Variants in FHIT observed in about 807,000 individuals in gnomAD.
FHIT encodes bis(5'-adenosyl)-triphosphatase.
FHIT carries 19 observed loss-of-function variants against 17.9 expected under a neutral mutation model. That is an observed-to-expected ratio of 1.06 (90% CI 0.74 to 1.56). FHIT has a LOEUF of 1.56. Ranked by LOEUF, FHIT falls within the 40% of genes most tolerant of loss-of-function variation. FHIT has a pLI of 0.00. For synonymous variants in FHIT, 81 were observed against 69.7 expected (o/e 1.16, Z -0.81); for missense variants, 248 against 189.2 (o/e 1.31, Z -1.82).
intron 4 of FHIT, among the ~76,000 whole-genome samples, chr3:60,627,992 TTTC>T (rs1396247472): frequency 6.6e-6 from 1 of 152,194 alleles, no homozygotes; most frequent in East Asian, 1.9e-4. Flanking sequence ...CCTTTATTAT[TTTC>T]TTCTGCTTTG....
intron 5 of FHIT, among the ~76,000 whole-genome samples, chr3:60,407,810 C>A (rs778576576): frequency 2.0e-5 from 3 of 152,170 alleles, no homozygotes; most frequent in South Asian, 2.1e-4. Context: ...AGCCACTGCA[C>A]CTGACCCAAA....
At chr3:60,327,068 C>CTTCCTGCTGT (rs1212489254) in intron 5 of FHIT, among the ~76,000 whole-genome samples, 4 of 152,202 alleles carry the variant, frequency 2.6e-5, no homozygotes, top group South Asian at 2.1e-4. Context: ...GCTTCCTGCA[C>CTTCCTGCTGT]CAGTGACAGC....
intron 5 of FHIT, among the ~76,000 whole-genome samples, chr3:60,182,730 C>T (rs926554570): frequency 6.6e-6 from 1 of 152,030 alleles, no homozygotes; most frequent in Non-Finnish European, 1.5e-5. Flanking sequence ...CTGCAGTGAG[C>T]TATGATGGCA....
At chr3:60,272,593 A>G (rs1437692597) in intron 5 of FHIT, among the ~76,000 whole-genome samples, 1 of 152,190 alleles carries the variant, frequency 6.6e-6, no homozygotes, top group African/African-American at 2.4e-5. Context: ...GACTCCCAAA[A>G]CTAATCAAAG....
chr3:59,816,057 C>A (rs1357167266), intron 8 of FHIT, among the ~76,000 whole-genome samples: 1 of 152,154 alleles, frequency 6.6e-6, no homozygotes, highest in Non-Finnish European at 1.5e-5. Flanking sequence ...TCTTACCTGA[C>A]AAAAACTACA....
intron 3 of FHIT, among the ~76,000 whole-genome samples, chr3:60,903,828 G>A (rs1288059814): frequency 6.6e-6 from 1 of 152,206 alleles, no homozygotes; most frequent in Admixed American, 6.5e-5. Flanking sequence ...GACTGCCAAT[G>A]AGGAAGTCAG....
At chr3:60,235,234 G>GTTTTTTTT (rs11441829) in intron 5 of FHIT, among the ~76,000 whole-genome samples, 1 of 143,086 alleles carries the variant, frequency 7.0e-6, no homozygotes. Context: ...TTTGTTTGTT[G>GTTTTTTTT]TTTTTTTTTT....
chr3:59,975,022 G>A (rs561576536), intron 7 of FHIT, among the ~76,000 whole-genome samples: 55 of 152,004 alleles, frequency 3.6e-4, no homozygotes, highest in Non-Finnish European at 6.8e-4. Flanking sequence ...CACTTAACAT[G>A]TGCATATTTT....
chr3:60,159,358 G>A (rs888873196), intron 5 of FHIT, among the ~76,000 whole-genome samples: 1 of 152,046 alleles, frequency 6.6e-6, no homozygotes, highest in African/African-American at 2.4e-5. Flanking sequence ...TAGGCTCAAA[G>A]GATCCACCCA....
chr3:60,495,553 C>G (rs1288702437), intron 5 of FHIT, among the ~76,000 whole-genome samples: 1 of 151,938 alleles, frequency 6.6e-6, no homozygotes, highest in East Asian at 1.9e-4. Context: ...GACATTGGAA[C>G]TTGATTCTAC....
At chr3:60,245,655 T>C (rs1008355538) in intron 5 of FHIT, among the ~76,000 whole-genome samples, 1 of 152,078 alleles carries the variant, frequency 6.6e-6, no homozygotes, top group Non-Finnish European at 1.5e-5. Context: ...TCAAGCAATA[T>C]ATATGATATT....
intron 5 of FHIT, among the ~76,000 whole-genome samples, chr3:60,205,337 A>G (rs1395384421): frequency 6.6e-6 from 1 of 152,222 alleles, no homozygotes; most frequent in Non-Finnish European, 1.5e-5. Context: ...ATATGTATAT[A>G]TAAATACACG....
intron 5 of FHIT, among the ~76,000 whole-genome samples, chr3:60,060,410 A>C (rs889128418): frequency 6.6e-6 from 1 of 152,216 alleles, no homozygotes; most frequent in African/African-American, 2.4e-5. Context: ...TTAAATATGC[A>C]TCACATAACA....
chr3:60,172,555 C>T (rs1037420872), intron 5 of FHIT, among the ~76,000 whole-genome samples: 6 of 151,786 alleles, frequency 4.0e-5, no homozygotes, highest in African/African-American at 9.7e-5. Context: ...GGATTAAAGG[C>T]GTGAGCCACT....
At chr3:60,854,302 C>T (rs1330530376) in intron 3 of FHIT, among the ~76,000 whole-genome samples, 2 of 152,092 alleles carry the variant, frequency 1.3e-5, no homozygotes, top group African/African-American at 2.4e-5. Flanking sequence ...CTTAGTAATA[C>T]TTAAATGCAT....
intron 5 of FHIT, among the ~76,000 whole-genome samples, chr3:60,148,169 G>A (rs1251758228): frequency 6.6e-6 from 1 of 152,026 alleles, no homozygotes; most frequent in East Asian, 1.9e-4. Context: ...CAATTCCAGA[G>A]GCGAAAAGGA....
chr3:59,959,184 G>C (rs1002628902), intron 7 of FHIT, among the ~76,000 whole-genome samples: 24 of 152,150 alleles, frequency 1.6e-4, no homozygotes, highest in Non-Finnish European at 2.8e-4. Flanking sequence ...TGTGTGTATA[G>C]GGAGAGTGAT....
At chr3:60,019,427 T>TTTG (rs1700469743) in intron 5 of FHIT, among the ~76,000 whole-genome samples, 1 of 148,918 alleles carries the variant, frequency 6.7e-6, no homozygotes, top group African/African-American at 2.5e-5. Flanking sequence ...TTTTTTTTTT[T>TTTG]TTTTTCCTGA....
intron 5 of FHIT, among the ~76,000 whole-genome samples, chr3:60,436,767 T>C (rs1559911621): frequency 6.6e-6 from 1 of 152,146 alleles, no homozygotes; most frequent in Non-Finnish European, 1.5e-5. Context: ...GAGGTTTCTT[T>C]TTATTTCTAA....
Sources: gnomAD v4.1 joint callset for allele counts (sites outside exome capture counted in the v4.1 genomes callset) on GRCh38, gnomAD v4.1.1 for gene constraint, MANE v1.5 for transcripts, NCBI Gene and HGNC (gene_info 2026-07-23, HGNC 2026-07-21) for gene names.